ABHD12B: variants seen among roughly 807,000 people sequenced by gnomAD.
ABHD12B encodes the protein protein ABHD12B.
A neutral mutation model predicts 50.4 loss-of-function variants in ABHD12B; 42 were observed. The ratio of observed to expected loss-of-function variants is 0.83; its 90% confidence interval spans 0.65 to 1.08. ABHD12B has a LOEUF of 1.08. Among genes scored for constraint, ABHD12B ranks in the 50% least tolerant of loss-of-function variants. ABHD12B has a pLI of 0.00. For synonymous variants in ABHD12B, 167 were observed against 160.3 expected (o/e 1.04, Z -0.32); for missense variants, 479 against 447.7 (o/e 1.07, Z -0.63).
chr14:50,878,080 G>GT lies in ABHD12B; in HGVS notation c.232+2dup. 1 of 1,524,828 alleles carries GT rather than the reference G, an allele frequency of 6.6e-7. No homozygotes were observed. Among genetic ancestry groups the GT allele is most frequent in the African/African-American group, 1.4e-5 (1 of 72,366 alleles). The allele number at this position is 1,524,828 out of a possible 1,614,324, so 94.5% of individuals were successfully genotyped here. On this transcript the variant is annotated splice_donor_variant, in intron 2 of 12. Transcript: ENST00000337334. LOFTEE classifies it high-confidence loss of function. ...GACATGCTAATTTATTTTAATTTTT[G>GT]TAAGTATGGACCTTCCATAAATTTT...
intron 8 of ABHD12B, among the ~76,000 whole-genome samples, chr14:50,887,628 T>C (rs1047016758): frequency 6.6e-6 from 1 of 152,200 alleles, no homozygotes; most frequent in African/African-American, 2.4e-5. Context: ...AGAAATGATT[T>C]GAGGTTTGAA....
At chr14:50,891,495 G>C (rs1358966930) in intron 9 of ABHD12B, 1 of 152,142 alleles carries the variant, frequency 6.6e-6, no homozygotes, top group African/African-American at 2.4e-5. Context: ...CGCCCACCTC[G>C]GTCTCCCAAA....
Position 50,901,866 on chromosome 14 carries a change from T to G in ABHD12B, c.818T>G (p.Met273Arg). Reference protein sequence around the residue: ...RNIPGFLRTLMDALRKDKIIF... With the variant: ...RNIPGFLRTLRDALRKDKIIF... Reference sequence around the variant, plus strand: ...ATTCCAGGATTTTTACGTACACTTATGGATGCCCTGAGAAAAGACAAAATA... The same window carrying G: ...ATTCCAGGATTTTTACGTACACTTAGGGATGCCCTGAGAAAAGACAAAATA... Residue 273 changes from methionine to arginine, a missense_variant, in exon 10 of 13, where the codon ATG (methionine) becomes AGG (arginine). Transcript: ENST00000337334. 3 of 1,594,744 alleles carry G rather than the reference T, an allele frequency of 1.9e-6. No homozygotes were observed. Among genetic ancestry groups the G allele is most frequent in the South Asian group, 2.3e-5 (2 of 86,828 alleles).
rs1253698333 is a variant in ABHD12B, at chr14:50,904,192, G to A, written c.1061G>A (p.Arg354Lys). ...AGCCCCACACTGTTAATAACCGTGAGGTAAGAGTTGCTTTGCTAAATGTAT... is the reference window on the plus strand; with the variant it reads ...AGCCCCACACTGTTAATAACCGTGAAGTAAGAGTTGCTTTGCTAAATGTAT... ...CKSPTLLITV[R>K]DFLSKQWS The change falls in exon 12 of 13, where the codon AGA becomes AAA. Residue 354 changes from arginine (R) to lysine (K), a missense_variant and splice_region_variant. Transcript: ENST00000337334. The A allele has an allele frequency of 1.9e-6, 3 of 1,614,002 alleles. No homozygotes were observed. The highest frequency in any genetic ancestry group is 1.1e-5 in the South Asian group (1 of 91,088).
At chr14:50,902,291 C>T (rs766306703) in intron 10 of ABHD12B, among the ~76,000 whole-genome samples, 12 of 151,930 alleles carry the variant, frequency 7.9e-5, no homozygotes, top group African/African-American at 2.9e-4. Flanking sequence ...GAAACCAGCC[C>T]GGGCAACACA....
Position 50,885,642 on chromosome 14 carries a change from T to C in ABHD12B, c.515T>C (p.Leu172Ser). Residue 172 changes from leucine to serine, a missense_variant, in exon 6 of 13, where the codon TTG becomes TCG. Leu to Ser is a moderately radical substitution (Grantham distance 145, BLOSUM62 -2). Coordinates refer to ENST00000337334, the MANE Select transcript of ABHD12B (RefSeq NM_001206673.2). ...CTGAGTGATGGTGGCTTTCATGTCT[T>C]GTCTGTTGACTACAGAGGTATGTGT... is the stretch of plus-strand genomic sequence containing the variant. ...KVLSDGGFHV[L>S]SVDYRGFGDS... The C allele has an allele frequency of 1.9e-6, 3 of 1,614,214 alleles. No individual in the cohort carries two copies. The highest frequency in any genetic ancestry group is 2.5e-6 in the Non-Finnish European group (3 of 1,180,034).
At chr14:50,883,014 C>T (rs1354874573) in intron 5 of ABHD12B, among the ~76,000 whole-genome samples, 1 of 151,506 alleles carries the variant, frequency 6.6e-6, no homozygotes, top group Non-Finnish European at 1.5e-5. Flanking sequence ...GGCTTCAGCC[C>T]ATGTAAGGCT....
chr14:50,895,966 C>G (rs2050193165), intron 9 of ABHD12B, among the ~76,000 whole-genome samples: 1 of 152,162 alleles, frequency 6.6e-6, no homozygotes, highest in Admixed American at 6.5e-5. Context: ...TTATCTGCTT[C>G]CCTGACTATT....
chr14:50,889,255 T>C (rs1226188851), intron 9 of ABHD12B, among the ~76,000 whole-genome samples: 1 of 152,254 alleles, frequency 6.6e-6, no homozygotes, highest in Non-Finnish European at 1.5e-5. Flanking sequence ...ATATCTTTCA[T>C]AACTTTATCG....
At chr14:50,890,667 C>T (rs537198537) in intron 9 of ABHD12B, among the ~76,000 whole-genome samples, 5 of 152,156 alleles carry the variant, frequency 3.3e-5, no homozygotes, top group South Asian at 2.1e-4. Flanking sequence ...TTGCCATATA[C>T]TATTCCATTG....
At chr14:50,881,844 T>A (rs555172041) in intron 5 of ABHD12B, among the ~76,000 whole-genome samples, 14 of 152,292 alleles carry the variant, frequency 9.2e-5, no homozygotes, top group African/African-American at 3.1e-4. Flanking sequence ...AGTACCTTCG[T>A]GAACTTAATA....
At chr14:50,897,731 T>C (rs539348255) in intron 9 of ABHD12B, among the ~76,000 whole-genome samples, 2 of 152,326 alleles carry the variant, frequency 1.3e-5, no homozygotes, top group African/African-American at 4.8e-5. Flanking sequence ...GTAAATTGTT[T>C]CTCCCTAAGT....
intron 9 of ABHD12B, among the ~76,000 whole-genome samples, chr14:50,896,265 G>C (rs1000036852): frequency 1.3e-4 from 20 of 151,884 alleles, no homozygotes; most frequent in African/African-American, 3.6e-4. Context: ...CAATTCCCCC[G>C]TTTTACCTGT....
chr14:50,903,875 C>A, intron 11 of ABHD12B, 199 bp from the exon 12 acceptor site: 1 of 560,380 alleles, frequency 1.8e-6, no homozygotes. Context: ...GAGGTTTTAT[C>A]AGTATTCTAT....
Position 50,881,645 on chromosome 14 carries a change from C to G in ABHD12B, c.486+19C>G. 1 of 1,612,170 alleles carries G rather than the reference C, an allele frequency of 6.2e-7. No homozygotes were observed. The highest frequency in any genetic ancestry group is 8.5e-7 in the Non-Finnish European group (1 of 1,179,452). On this transcript the variant is annotated intron_variant, in intron 5 of 12. Coordinates refer to ENST00000337334, the MANE Select transcript of ABHD12B (RefSeq NM_001206673.2). ...GGTAAAGGTATGTCTGAAGAGGCCTCAAAGCACCCATTTCATAAGTCTGTT... is the reference window on the plus strand; with the variant it reads ...GGTAAAGGTATGTCTGAAGAGGCCTGAAAGCACCCATTTCATAAGTCTGTT...
chr14:50,875,454 G>A (rs1444444387), intron 1 of ABHD12B, among the ~76,000 whole-genome samples: 1 of 152,246 alleles, frequency 6.6e-6, no homozygotes, highest in Non-Finnish European at 1.5e-5. Context: ...TAGCAGCTCA[G>A]ACTCCACCAG....
rs754446147 is a variant in ABHD12B at position 50,904,196 on chromosome 14, A to G, written c.1061+4A>G. On this transcript the variant is annotated splice_donor_region_variant and intron_variant, in intron 12 of 12. Transcript: ENST00000337334. ...CCACACTGTTAATAACCGTGAGGTA[A>G]GAGTTGCTTTGCTAAATGTATGTTG... 2.5e-6 allele frequency: 4 copies of G among 1,614,036 alleles called. No individual in the cohort carries two copies. The East Asian group carries it at 8.9e-5, about 36-fold the overall frequency.
chr14:50,880,674 C>A, intron 4 of ABHD12B, 103 bp downstream of exon 4: 2 of 1,264,822 alleles, frequency 1.6e-6, no homozygotes, highest in Non-Finnish European at 1.0e-6. Flanking sequence ...TGTAGGCATG[C>A]CTTCACATAT....
In ABHD12B at chr14:50,878,156, G is replaced by T. The variant is rs1013601214; in HGVS notation, c.232+77G>T. The stretch of plus-strand genomic sequence containing the variant: ...ACCTCAGTACCCTTAAAGTTGTGAC[G>T]TAGTGAAAAGACATGTCAGCTGTAA... On this transcript the variant is annotated intron_variant, in intron 2 of 12. Coordinates refer to ENST00000337334, the MANE Select transcript of ABHD12B (RefSeq NM_001206673.2). The T allele has an allele frequency of 7.4e-6, 9 of 1,222,876 alleles. No individual in the cohort carries two copies. The African/African-American group carries it at 1.2e-4, about 17-fold the overall frequency. 75.8% of individuals were successfully genotyped at this position (1,222,876 alleles called of 1,614,324 possible).
Sources: allele counts gnomAD v4.1 joint callset (sites outside exome capture counted in the v4.1 genomes callset), GRCh38; gene constraint gnomAD v4.1.1; transcripts MANE v1.5; gene names NCBI Gene and HGNC (gene_info 2026-07-23, HGNC 2026-07-21).